The following PRELID2 variants were observed in gnomAD, a reference collection of about 807,000 sequenced individuals.
PRELID2 encodes the protein PRELI domain containing 2.
In PRELID2, 25 loss-of-function variants were observed where a neutral mutation model predicts 28.4. That is an observed-to-expected ratio of 0.88 (90% CI 0.64 to 1.23). PRELID2 has a LOEUF of 1.23. Among genes scored for constraint, PRELID2 ranks in the 50% most tolerant of loss-of-function variants. The probability of loss-of-function intolerance (pLI) is 0.00; values close to 1 mark genes in which losing one functional copy is unlikely to be tolerated. For synonymous variants in PRELID2, 76 were observed against 71.6 expected (o/e 1.06, Z -0.31); for missense variants, 201 against 214.4 (o/e 0.94, Z 0.39).
At chr5:145,780,535 T>C (rs1011358678) in intron 5 of PRELID2, among the ~76,000 whole-genome samples, 2 of 152,148 alleles carry the variant, frequency 1.3e-5, no homozygotes, top group African/African-American at 4.8e-5. Context: ...AGAACATAAA[T>C]GGCTCTACTG....
At chr5:145,735,829 C>T (rs1011126388) in intron 1 of PRELID2, among the ~76,000 whole-genome samples, 5 of 152,150 alleles carry the variant, frequency 3.3e-5, no homozygotes, top group Admixed American at 6.5e-5. Flanking sequence ...GCACCCTCTA[C>T]AGATGTAAGG....
the PRELID2 span, among the ~76,000 whole-genome samples, chr5:145,286,102 G>T: frequency 6.6e-6 from 1 of 152,168 alleles, no homozygotes; most frequent in Admixed American, 6.5e-5. Context: ...CTGCTGCCAT[G>T]TGCCAGTCAC....
intron 1 of PRELID2, among the ~76,000 whole-genome samples, chr5:145,728,186 C>T (rs1262225615): frequency 6.6e-6 from 1 of 152,124 alleles, no homozygotes; most frequent in African/African-American, 2.4e-5. Flanking sequence ...TGCTTTTGTA[C>T]ATCTTTAGGG....
chr5:145,401,793 T>A, the PRELID2 span, among the ~76,000 whole-genome samples: 3 of 152,206 alleles, frequency 2.0e-5, no homozygotes, highest in Non-Finnish European at 4.4e-5. Context: ...GAACATTTAG[T>A]CTATGCATGG....
At chr5:145,448,413 G>A in the PRELID2 span, among the ~76,000 whole-genome samples, 27 of 152,098 alleles carry the variant, frequency 1.8e-4, no homozygotes, top group East Asian at 3.9e-4. Context: ...TTTCTCCCAC[G>A]TTGTAGGTTG....
intron 1 of PRELID2, among the ~76,000 whole-genome samples, chr5:145,745,611 C>T (rs867274017): frequency 5.9e-5 from 9 of 152,082 alleles, no homozygotes; most frequent in Non-Finnish European, 5.9e-5. Flanking sequence ...TCTGTAATCC[C>T]AGCACTTTGG....
chr5:145,229,618 ATCGTGGAGAACATCT>A, the PRELID2 span: 3 of 1,075,482 alleles, frequency 2.8e-6, no homozygotes, highest in Non-Finnish European at 4.3e-6. Context: ...GCTTATTGCC[ATCGTGGAGAACATCT>A]TCACCAGACA....
chr5:145,640,428 A>T (rs1196614545), intron 1 of PRELID2, among the ~76,000 whole-genome samples: 2 of 145,530 alleles, frequency 1.4e-5, no homozygotes, highest in Non-Finnish European at 3.0e-5. Flanking sequence ...GTGAGCCGAG[A>T]TCGCGCCACT....
intron 1 of PRELID2, among the ~76,000 whole-genome samples, chr5:145,575,931 T>G (rs947646853): frequency 6.6e-6 from 1 of 152,104 alleles, no homozygotes; most frequent in African/African-American, 2.4e-5. Flanking sequence ...ACAGACCTTC[T>G]TATGTTGGGA....
chr5:145,437,868 CA>C, the PRELID2 span, among the ~76,000 whole-genome samples: 1 of 151,980 alleles, frequency 6.6e-6, no homozygotes, highest in African/African-American at 2.4e-5. Context: ...TGAAACTGGT[CA>C]AAAAGGCAGG....
At chr5:145,583,025 C>T (rs941905809) in intron 1 of PRELID2, among the ~76,000 whole-genome samples, 2 of 152,040 alleles carry the variant, frequency 1.3e-5, no homozygotes, top group East Asian at 1.9e-4. Flanking sequence ...TAATGAGCAT[C>T]GACGCAAAAA....
chr5:145,406,639 T>C, the PRELID2 span, among the ~76,000 whole-genome samples: 1 of 152,196 alleles, frequency 6.6e-6, no homozygotes, highest in Non-Finnish European at 1.5e-5. Flanking sequence ...TTGTGAACTT[T>C]TGCTCCAAGA....
intron 1 of PRELID2, among the ~76,000 whole-genome samples, chr5:145,541,792 A>G (rs1455745941): frequency 6.6e-6 from 1 of 151,950 alleles, no homozygotes; most frequent in Non-Finnish European, 1.5e-5. Flanking sequence ...AAAAAGGATA[A>G]TTTGGGTTTT....
the PRELID2 span, among the ~76,000 whole-genome samples, chr5:145,294,116 C>T: frequency 6.6e-6 from 1 of 152,128 alleles, no homozygotes. Context: ...AAAAATTATG[C>T]ACATTATGCT....
At chr5:145,282,319 A>T in the PRELID2 span, among the ~76,000 whole-genome samples, 1 of 152,272 alleles carries the variant, frequency 6.6e-6, no homozygotes, top group Non-Finnish European at 1.5e-5. Flanking sequence ...GTGCCTAACC[A>T]TTTGAATAGT....
chr5:145,352,530 G>A, the PRELID2 span, among the ~76,000 whole-genome samples: 1 of 152,150 alleles, frequency 6.6e-6, no homozygotes, highest in South Asian at 2.1e-4. Flanking sequence ...CTCTCTCCTA[G>A]GCCTTTAGAC....
chr5:145,703,484 C>T (rs748752016), intron 1 of PRELID2, among the ~76,000 whole-genome samples: 3 of 152,320 alleles, frequency 2.0e-5, no homozygotes, highest in African/African-American at 7.2e-5. Context: ...TCAAGCCACA[C>T]ATGCTAACCC....
chr5:145,784,783 TTTG>T (rs1751877972), intron 5 of PRELID2, among the ~76,000 whole-genome samples: 1 of 30,272 alleles, frequency 3.3e-5, no homozygotes, highest in African/African-American at 1.5e-4. Context: ...TAATCCCAAC[TTTG>T]TTTTTTTTTT....
the PRELID2 span, among the ~76,000 whole-genome samples, chr5:145,309,697 A>C: frequency 4.3e-3 from 649 of 152,234 alleles, 2 homozygotes; most frequent in Non-Finnish European, 6.7e-3. Flanking sequence ...CTTTACAACT[A>C]CTCTATGGAG....
Sources: gnomAD v4.1 joint callset for allele counts (sites outside exome capture counted in the v4.1 genomes callset) on GRCh38, gnomAD v4.1.1 for gene constraint, MANE v1.5 for transcripts, NCBI Gene and HGNC (gene_info 2026-07-23, HGNC 2026-07-21) for gene names.